The following PTGER3 variants were observed in gnomAD, a reference collection of about 807,000 sequenced individuals.
PTGER3 encodes the protein prostaglandin E2 receptor EP3 subtype.
A neutral mutation model predicts 34.7 loss-of-function variants in PTGER3; 22 were observed. That is an observed-to-expected ratio of 0.63 (90% confidence interval 0.45 to 0.91). PTGER3 has a LOEUF of 0.91. Among genes scored for constraint, PTGER3 ranks in the 40% least tolerant of loss-of-function variants. The pLI is 0.00. For missense variants in PTGER3, 468 were observed against 519.4 expected (o/e 0.90, Z 0.96); for synonymous variants, 241 against 230.1 (o/e 1.05, Z -0.43).
chr1:70,965,453 T>C (rs1042603315), intron 2 of PTGER3, among the ~76,000 whole-genome samples: 1 of 152,160 alleles, frequency 6.6e-6, no homozygotes, highest in Non-Finnish European at 1.5e-5. Flanking sequence ...AATTGAGTAA[T>C]ACTTGTAGAA....
At chr1:70,931,812 A>G (rs536385489) in intron 4 of PTGER3, among the ~76,000 whole-genome samples, 84 of 152,274 alleles carry the variant, frequency 5.5e-4, no homozygotes, top group Middle Eastern at 3.4e-3. Flanking sequence ...AGGGGCTGCC[A>G]CAAAGACCTA....
At chr1:70,937,387 G>T (rs977671699) in intron 4 of PTGER3, among the ~76,000 whole-genome samples, 21 of 152,160 alleles carry the variant, frequency 1.4e-4, no homozygotes, top group Admixed American at 6.6e-5. Context: ...GGGTTAAATT[G>T]AATATGATGT....
intron 1 of PTGER3, among the ~76,000 whole-genome samples, chr1:71,019,784 G>C (rs1405510421): frequency 6.6e-6 from 1 of 152,122 alleles, no homozygotes. Flanking sequence ...TATTAAAGAT[G>C]ATAAATGAGG....
chr1:71,025,165 T>TTCCTTCCTTCCTTCCTTCCTTCC lies in PTGER3; in HGVS notation c.898-12682_898-12681insGGAAGGAAGGAAGGAAGGAAGGA, dbSNP rs1553178212. Among the ~76,000 whole-genome samples, 405 of 79,636 alleles carry TTCCTTCCTTCCTTCCTTCCTTCC rather than the reference T, an allele frequency of 5.1e-3. 6 individuals are homozygous for TTCCTTCCTTCCTTCCTTCCTTCC. The highest frequency in any genetic ancestry group is 6.6e-3 in the Non-Finnish European group (257 of 38,934). 52.2% of individuals were successfully genotyped at this position (79,636 alleles called of 152,430 possible). A position where few individuals can be genotyped will look rare whatever the true frequency, so the allele number is the denominator to read the frequency against. On this transcript the variant is annotated intron_variant, in intron 1 of 3. Transcript: ENST00000306666. ...CCTTCCTTCCTTCCTTCCTTCCTTC[T>TTCCTTCCTTCCTTCCTTCCTTCC]TTCCTTCCTTTTTTTCCTTCCTTCC...
chr1:71,024,423 G>T (rs1658698786), intron 1 of PTGER3, among the ~76,000 whole-genome samples: 1 of 151,826 alleles, frequency 6.6e-6, no homozygotes, highest in Non-Finnish European at 1.5e-5. Context: ...TTAATTGTTG[G>T]TCTCTCTCAA....
At chr1:71,011,048 T>C in intron 2 of PTGER3, 2 of 985,670 alleles carry the variant, frequency 2.0e-6, no homozygotes, top group Non-Finnish European at 2.4e-6. Flanking sequence ...GCAAGCTTTG[T>C]GTAGGCATAA....
rs776273895 is a variant in PTGER3 at position 70,952,844 on chromosome 1, C to G, written c.*63G>C. 1.1e-5 allele frequency: 16 copies of G among 1,480,928 alleles called. No homozygotes were observed. In the East Asian group the frequency reaches 3.9e-4, roughly 36 times the overall value. The allele number at this position is 1,480,928 out of a possible 1,614,324, so 91.7% of individuals were successfully genotyped here. On this transcript the variant is annotated 3_prime_UTR_variant, in exon 4 of 4. Coordinates refer to the PTGER3 transcript ENST00000356595. ...TCAAAATAAGCAGGGATTAGAGTCA[C>G]AAACTCAGCTGGAGGAGCTTGCTTT...
At chr1:70,967,664 C>G (rs567623014), downstream of PTGER3, among the ~76,000 whole-genome samples, 4 of 151,976 alleles carry the variant, frequency 2.6e-5, no homozygotes, top group Admixed American at 6.6e-5. Flanking sequence ...TTATACAGAT[C>G]CTTAAGATAC....
chr1:70,923,301 A>G (rs1017803364), intron 4 of PTGER3, among the ~76,000 whole-genome samples: 11 of 152,172 alleles, frequency 7.2e-5, no homozygotes, highest in African/African-American at 2.6e-4. Flanking sequence ...GGCTTAATGT[A>G]TGTTATTAAT....
At chr1:70,968,243 A>C (rs1652732196), downstream of PTGER3, among the ~76,000 whole-genome samples, 1 of 152,218 alleles carries the variant, frequency 6.6e-6, no homozygotes, top group Admixed American at 6.5e-5. Flanking sequence ...CGTGGAATAT[A>C]TTATATGTAT....
chr1:71,030,141 A>C (rs2100943968), intron 1 of PTGER3, among the ~76,000 whole-genome samples: 1 of 152,086 alleles, frequency 6.6e-6, no homozygotes, highest in South Asian at 2.1e-4. Flanking sequence ...TGGGGTAGGG[A>C]TGGAAAAAAA....
At chr1:70,969,072 T>C (rs1263029228), downstream of PTGER3, among the ~76,000 whole-genome samples, 1 of 151,766 alleles carries the variant, frequency 6.6e-6, no homozygotes, top group East Asian at 1.9e-4. Flanking sequence ...CTGGGAGTGG[T>C]GGTGGGTGCC....
At chr1:71,011,556 T>C in intron 2 of PTGER3, 3 of 985,054 alleles carry the variant, frequency 3.0e-6, no homozygotes, top group Non-Finnish European at 3.6e-6. Flanking sequence ...AATTAGCAAT[T>C]TGGGTAGTCA....
downstream of PTGER3, among the ~76,000 whole-genome samples, chr1:70,949,704 G>A (rs1013455525): frequency 6.6e-6 from 1 of 152,138 alleles, no homozygotes; most frequent in Admixed American, 6.6e-5. Context: ...ACTGACGCTG[G>A]CACAGGTAGG....
chr1:70,971,757 T>A, intron 3 of PTGER3, 24 bp from the exon 4 acceptor site: 1 of 1,477,472 alleles, frequency 6.8e-7, no homozygotes, highest in Non-Finnish European at 9.3e-7. Flanking sequence ...GAGAGAAAGA[T>A]GCAATAAGCA....
chr1:70,978,637 AT>A (rs1488705672), intron 2 of PTGER3, among the ~76,000 whole-genome samples: 1 of 152,154 alleles, frequency 6.6e-6, no homozygotes. Context: ...AGCAATTGAA[AT>A]AACAAGAAAT....
chr1:70,894,963 G>A (rs1557637207), intron 4 of PTGER3, among the ~76,000 whole-genome samples: 1 of 152,030 alleles, frequency 6.6e-6, no homozygotes, highest in Admixed American at 6.6e-5. Flanking sequence ...TTCTCTCAAA[G>A]GTTTTCTCTT....
At chr1:70,894,031 G>A (rs1018115637) in intron 4 of PTGER3, among the ~76,000 whole-genome samples, 14 of 152,142 alleles carry the variant, frequency 9.2e-5, no homozygotes, top group Non-Finnish European at 8.8e-5. Context: ...TGATAGGTGG[G>A]ACATGGTGGC....
intron 4 of PTGER3, among the ~76,000 whole-genome samples, chr1:70,881,975 G>A (rs12385704): frequency 0.013 from 2,031 of 152,024 alleles, 40 homozygotes; most frequent in African/African-American, 0.046. Flanking sequence ...CCATCTGGGT[G>A]TTTCCAGGGC....
Sources: allele counts gnomAD v4.1 joint callset (sites outside exome capture counted in the v4.1 genomes callset), GRCh38; gene constraint gnomAD v4.1.1; transcripts MANE v1.5; gene names NCBI Gene and HGNC (gene_info 2026-07-23, HGNC 2026-07-21).